LARGE1: variants seen among roughly 807,000 people sequenced by gnomAD.
The protein encoded by LARGE1 is LARGE xylosyl- and glucuronyltransferase 1, also known as xylosyl- and glucuronyltransferase LARGE1.
Under a neutral mutation model 87.6 loss-of-function variants are expected in LARGE1, and 43 were observed. The observed-to-expected ratio is 0.49, with a 90% confidence interval of 0.38 to 0.63. The LOEUF is 0.63. Ranked by LOEUF, LARGE1 falls within the 30% of genes least tolerant of loss-of-function variation. The pLI is 0.00. For synonymous variants in LARGE1, 434 were observed against 394.6 expected, an observed-to-expected ratio of 1.10 and a Z score of -1.18; for missense variants, 802 against 1,000.2, an observed-to-expected ratio of 0.80 and a Z score of 2.67.
At chr22:33,903,773 C>T (rs1175902972) in intron 1 of LARGE1, among the ~76,000 whole-genome samples, 1 of 152,120 alleles carries the variant, frequency 6.6e-6, no homozygotes, top group Non-Finnish European at 1.5e-5. Flanking sequence ...TGCAGTGAAC[C>T]AAGATCGCAC....
At chr22:33,827,507 A>G (rs1330430846) in intron 1 of LARGE1, among the ~76,000 whole-genome samples, 2 of 152,216 alleles carry the variant, frequency 1.3e-5, no homozygotes, top group Admixed American at 1.3e-4. Flanking sequence ...TATAATGTAC[A>G]TTTAAAAAGC....
intron 3 of LARGE1, among the ~76,000 whole-genome samples, chr22:33,633,693 G>A (rs11912667): frequency 0.064 from 9,695 of 152,160 alleles, 876 homozygotes; most frequent in African/African-American, 0.21. Flanking sequence ...AGTGAGAGGC[G>A]AAACCCATTT....
intron 1 of LARGE1, among the ~76,000 whole-genome samples, chr22:33,762,468 A>G (rs2084768959): frequency 6.6e-6 from 1 of 152,120 alleles, no homozygotes; most frequent in Non-Finnish European, 1.5e-5. Context: ...CAAGGCAAGG[A>G]GATGGGAGAG....
At chr22:33,877,035 C>T (rs1287118674) in intron 1 of LARGE1, among the ~76,000 whole-genome samples, 1 of 152,082 alleles carries the variant, frequency 6.6e-6, no homozygotes, top group Non-Finnish European at 1.5e-5. Flanking sequence ...TTTGCAGATG[C>T]CCCAACAACT....
intron 1 of LARGE1, among the ~76,000 whole-genome samples, chr22:33,900,293 C>T (rs1015495755): frequency 1.3e-5 from 2 of 152,180 alleles, no homozygotes; most frequent in African/African-American, 4.8e-5. Flanking sequence ...CCTTGCAAGC[C>T]CAGCCCCGGC....
intron 1 of LARGE1, among the ~76,000 whole-genome samples, chr22:33,824,237 G>A (rs1355844385): frequency 6.6e-6 from 1 of 152,154 alleles, no homozygotes; most frequent in East Asian, 1.9e-4. Context: ...CTGAGACTGG[G>A]TAATTTATAA....
At chr22:33,277,294 G>A (rs767959460) in intron 13 of LARGE1, 39 bp from the exon 14 acceptor site, 9 of 1,594,490 alleles carry the variant, frequency 5.6e-6, no homozygotes, top group Admixed American at 1.7e-5. Context: ...TGTAGGGAAG[G>A]AAGCCAAGCT....
intron 6 of LARGE1, among the ~76,000 whole-genome samples, chr22:33,482,923 G>A (rs1240682145): frequency 3.9e-5 from 6 of 152,096 alleles, no homozygotes; most frequent in Non-Finnish European, 7.4e-5. Flanking sequence ...GGGTACAAAT[G>A]GCACCTTCTC....
chr22:33,471,772 C>T (rs1173671866), intron 6 of LARGE1, among the ~76,000 whole-genome samples: 4 of 152,130 alleles, frequency 2.6e-5, no homozygotes, highest in Non-Finnish European at 5.9e-5. Flanking sequence ...CGGTGGCTCA[C>T]CCCTGTAATC....
the LARGE1 span, among the ~76,000 whole-genome samples, chr22:33,150,592 C>G: frequency 6.6e-6 from 1 of 152,150 alleles, no homozygotes; most frequent in Non-Finnish European, 1.5e-5. Flanking sequence ...TTCTGTTTAC[C>G]TCAAGATCTA....
chr22:33,259,027 G>A (rs540312837), intron 11 of LARGE1, among the ~76,000 whole-genome samples: 174 of 151,954 alleles, frequency 1.1e-3, no homozygotes, highest in Non-Finnish European at 1.7e-3. Flanking sequence ...ATGGGCGCCC[G>A]CCACCACACC....
At chr22:33,253,936 C>T (rs190894219) in intron 11 of LARGE1, among the ~76,000 whole-genome samples, 17 of 149,254 alleles carry the variant, frequency 1.1e-4, no homozygotes, top group Middle Eastern at 3.4e-3. Context: ...TAAAAGAACG[C>T]TAAATCTTTA....
rs541770266 is a variant in LARGE1, at chr22:33,565,606, T to C, written c.616-587A>G. Among the ~76,000 whole-genome samples, 62 of 149,416 alleles carry C rather than the reference T, an allele frequency of 4.1e-4. 3 individuals are homozygous for C. In the South Asian group the frequency reaches 0.012, roughly 30 times the overall value. The stretch of plus-strand genomic sequence containing the variant: ...CGCGACACTCTTCACCTGACAGCAA[T>C]AGAGGACACACACATAGGACAGAAG... On this transcript the variant is annotated intron_variant, in intron 5 of 14. Coordinates refer to ENST00000397394, the MANE Select transcript of LARGE1 (RefSeq NM_133642.5).
intron 2 of LARGE1, among the ~76,000 whole-genome samples, chr22:33,660,445 C>T (rs189179868): frequency 5.7e-4 from 87 of 152,282 alleles, no homozygotes; most frequent in Middle Eastern, 3.4e-3. Context: ...CACCGCAAAT[C>T]CTGACAATTG....
chr22:33,432,779 G>A (rs11913609), intron 6 of LARGE1, among the ~76,000 whole-genome samples: 44,530 of 152,066 alleles, frequency 0.29, 6,889 homozygotes, highest in Non-Finnish European at 0.34. Context: ...TTGCTGAGAC[G>A]AGAGCCCAAA....
chr22:33,123,956 T>C, the LARGE1 span, among the ~76,000 whole-genome samples: 1 of 152,158 alleles, frequency 6.6e-6, no homozygotes, highest in South Asian at 2.1e-4. Context: ...CTCTGGCCAC[T>C]TGCCTGTCCT....
chr22:33,882,029 G>T (rs976669139), intron 1 of LARGE1, among the ~76,000 whole-genome samples: 4 of 137,354 alleles, frequency 2.9e-5, no homozygotes, highest in East Asian at 2.0e-4. Context: ...GGGTTTTTTT[G>T]TTTTTGTTTT....
At chr22:33,152,841 C>A in the LARGE1 span, among the ~76,000 whole-genome samples, 1 of 151,988 alleles carries the variant, frequency 6.6e-6, no homozygotes, top group African/African-American at 2.4e-5. Flanking sequence ...ATAGTTTGTG[C>A]TCTATTTTGT....
intron 7 of LARGE1, among the ~76,000 whole-genome samples, chr22:33,412,296 T>C (rs959970324): frequency 6.6e-6 from 1 of 151,356 alleles, no homozygotes; most frequent in Non-Finnish European, 1.5e-5. Flanking sequence ...AAGTCATATA[T>C]ATATATATAT....
Sources: allele counts gnomAD v4.1 joint callset (sites outside exome capture counted in the v4.1 genomes callset), GRCh38; gene constraint gnomAD v4.1.1; transcripts MANE v1.5; gene names NCBI Gene and HGNC (gene_info 2026-07-23, HGNC 2026-07-21).